The following EPHB1 variants were observed in gnomAD, a reference collection of about 807,000 sequenced individuals.
The protein encoded by EPHB1 is ephrin type-B receptor 1.
Under a neutral mutation model 94.4 loss-of-function variants are expected in EPHB1, and 30 were observed. The observed-to-expected ratio is 0.32, with a 90% confidence interval of 0.24 to 0.43. The LOEUF is 0.43. EPHB1 is among the 20% of genes least tolerant of loss of function. The probability of loss-of-function intolerance (pLI) is 1.00; values close to 1 mark genes in which losing one functional copy is unlikely to be tolerated. For missense variants in EPHB1, 1,055 were observed against 1,308.3 expected (o/e 0.81, Z 2.99); for synonymous variants, 522 against 489.1 (o/e 1.07, Z -0.89).
chr3:134,968,536 G>A (rs1430306305), intron 3 of EPHB1, among the ~76,000 whole-genome samples: 1 of 152,082 alleles, frequency 6.6e-6, no homozygotes, highest in Non-Finnish European at 1.5e-5. Flanking sequence ...ATTGGTTTTT[G>A]TTAGTTAACA....
chr3:135,196,057 GT>G (rs1190575875), intron 11 of EPHB1, among the ~76,000 whole-genome samples: 2 of 147,452 alleles, frequency 1.4e-5, no homozygotes, highest in Non-Finnish European at 3.0e-5. Context: ...TCTCATAGTG[GT>G]TTTGATTTGC....
chr3:135,081,554 C>CA (rs1161734960), intron 3 of EPHB1, among the ~76,000 whole-genome samples: 1 of 152,164 alleles, frequency 6.6e-6, no homozygotes, highest in Non-Finnish European at 1.5e-5. Flanking sequence ...GAGGTTACTG[C>CA]AAAATGTCAT....
chr3:134,896,918 G>A (rs2038096785), intron 1 of EPHB1, among the ~76,000 whole-genome samples: 1 of 152,256 alleles, frequency 6.6e-6, no homozygotes, highest in African/African-American at 2.4e-5. Flanking sequence ...CAAGGGAGCT[G>A]GATGGGGGTC....
chr3:135,076,797 T>C (rs966816105), intron 3 of EPHB1, among the ~76,000 whole-genome samples: 3 of 152,340 alleles, frequency 2.0e-5, no homozygotes, highest in African/African-American at 7.2e-5. Flanking sequence ...CATTACACTA[T>C]GGATGAATGC....
chr3:135,125,575 G>C (rs1205945381), intron 4 of EPHB1, among the ~76,000 whole-genome samples: 1 of 152,126 alleles, frequency 6.6e-6, no homozygotes, highest in Non-Finnish European at 1.5e-5. Flanking sequence ...AACCACAAAT[G>C]GTACTTAGAA....
At chr3:135,217,527 G>A (rs72981645) in intron 12 of EPHB1, among the ~76,000 whole-genome samples, 2,443 of 151,072 alleles carry the variant, frequency 0.016, 62 homozygotes, top group African/African-American at 0.054. Flanking sequence ...ATGTTGTTAC[G>A]CAAAGCATAG....
rs532972258 is a variant in EPHB1, at chr3:135,259,355, G to A, written c.*235G>A. ...TATATAATAATAAAAATATAAAAAG[G>A]TGATGTTCAACAGAAGTGAAGACAA... On this transcript the variant is annotated 3_prime_UTR_variant, in exon 16 of 16. Transcript: ENST00000398015. 2.3e-5 allele frequency: 8 copies of A among 345,034 alleles called. No individual in the cohort carries two copies. Among genetic ancestry groups the A allele is most frequent in the Non-Finnish European group, 4.2e-5 (8 of 188,680 alleles). 21.4% of individuals were successfully genotyped at this position (345,034 alleles called of 1,614,324 possible). A position where few individuals can be genotyped will look rare whatever the true frequency, so the allele number is the denominator to read the frequency against.
intron 3 of EPHB1, among the ~76,000 whole-genome samples, chr3:135,096,337 A>C (rs1938759861): frequency 6.6e-6 from 1 of 152,212 alleles, no homozygotes; most frequent in African/African-American, 2.4e-5. Context: ...TTCAGACTCC[A>C]TGTTTGCATT....
intron 3 of EPHB1, among the ~76,000 whole-genome samples, chr3:135,022,970 C>A (rs142538673): frequency 2.6e-5 from 4 of 152,132 alleles, no homozygotes; most frequent in African/African-American, 9.7e-5. Context: ...GTGTGTTGGT[C>A]AAGTAGAAAA....
intron 1 of EPHB1, among the ~76,000 whole-genome samples, chr3:134,881,920 G>C (rs945197143): frequency 6.6e-6 from 1 of 152,110 alleles, no homozygotes; most frequent in Non-Finnish European, 1.5e-5. Context: ...TGGAAATAAG[G>C]GTTCACAGAG....
intron 12 of EPHB1, among the ~76,000 whole-genome samples, chr3:135,221,192 G>A (rs1254417561): frequency 6.6e-6 from 1 of 152,220 alleles, no homozygotes; most frequent in Non-Finnish European, 1.5e-5. Flanking sequence ...GGGATGGGGA[G>A]TGGGTGGAAA....
intron 1 of EPHB1, among the ~76,000 whole-genome samples, chr3:134,859,508 C>T (rs1490540100): frequency 6.6e-6 from 1 of 152,172 alleles, no homozygotes; most frequent in African/African-American, 2.4e-5. Context: ...GGGTTCATCC[C>T]AGGGTGTTGC....
chr3:135,248,231 G>A (rs1943974149), intron 13 of EPHB1, 85 bp from the exon 14 acceptor site: 2 of 1,301,578 alleles, frequency 1.5e-6, no homozygotes, highest in Admixed American at 2.3e-5. Flanking sequence ...CTGGATCAGG[G>A]AGGCTCCATA....
chr3:135,190,720 A>G (rs1218042178), intron 10 of EPHB1, among the ~76,000 whole-genome samples: 1 of 152,248 alleles, frequency 6.6e-6, no homozygotes, highest in Non-Finnish European at 1.5e-5. Flanking sequence ...AAATAGTGGT[A>G]CTTCTATTTC....
intron 5 of EPHB1, among the ~76,000 whole-genome samples, chr3:135,135,714 C>T (rs994115803): frequency 1.3e-5 from 2 of 152,168 alleles, no homozygotes; most frequent in African/African-American, 4.8e-5. Flanking sequence ...ACCTGTCCTA[C>T]TGTTTGAGTC....
chr3:135,225,525 A>C (rs1223806086), intron 12 of EPHB1, among the ~76,000 whole-genome samples: 1 of 152,226 alleles, frequency 6.6e-6, no homozygotes, highest in African/African-American at 2.4e-5. Context: ...GCAGTTCATT[A>C]GCCTCATATA....
chr3:134,971,125 T>G (rs1174077722), intron 3 of EPHB1, among the ~76,000 whole-genome samples: 1 of 152,178 alleles, frequency 6.6e-6, no homozygotes, highest in Non-Finnish European at 1.5e-5. Context: ...AGCTTTCAAC[T>G]GACTAACAGT....
intron 15 of EPHB1, among the ~76,000 whole-genome samples, chr3:135,254,747 G>C (rs1164404156): frequency 6.6e-6 from 1 of 152,092 alleles, no homozygotes; most frequent in Non-Finnish European, 1.5e-5. Context: ...AGTTAGGGAG[G>C]ATTCCCTCTT....
chr3:135,046,339 G>A (rs775372363), intron 3 of EPHB1, among the ~76,000 whole-genome samples: 1 of 152,128 alleles, frequency 6.6e-6, no homozygotes, highest in Non-Finnish European at 1.5e-5. Flanking sequence ...TTACTAGCTG[G>A]TCACACAAGC....
Sources: allele counts gnomAD v4.1 joint callset (sites outside exome capture counted in the v4.1 genomes callset), GRCh38; gene constraint gnomAD v4.1.1; transcripts MANE v1.5; gene names NCBI Gene and HGNC (gene_info 2026-07-23, HGNC 2026-07-21).